The following SDK1 variants were observed in gnomAD, a reference collection of about 807,000 sequenced individuals.
SDK1 encodes sidekick cell adhesion molecule 1.
Under a neutral mutation model 245.5 loss-of-function variants are expected in SDK1, and 157 were observed. The observed-to-expected ratio is 0.64, with a 90% CI of 0.56 to 0.73. The LOEUF (loss-of-function observed/expected upper bound fraction) is 0.73, where lower values mean the gene tolerates loss of function less well. Ranked by LOEUF, SDK1 falls within the 30% of genes least tolerant of loss-of-function variation. SDK1 has a pLI of 0.00. For synonymous variants in SDK1, 1,647 were observed against 1,278.5 expected (o/e 1.29, Z -6.15); for missense variants, 3,583 against 3,002.3 (o/e 1.19, Z -4.52).
At chr7:4,132,493 A>G (rs769247156) in intron 28 of SDK1, 70 bp downstream of exon 28, 100 of 1,127,040 alleles carry the variant, frequency 8.9e-5, no homozygotes, top group Non-Finnish European at 1.3e-4. Flanking sequence ...AGACCGAGGC[A>G]GGTGGTTTGC....
chr7:3,696,114 C>G (rs781573517), intron 4 of SDK1, among the ~76,000 whole-genome samples: 1 of 152,116 alleles, frequency 6.6e-6, no homozygotes, highest in Non-Finnish European at 1.5e-5. Flanking sequence ...TAAACTGTCT[C>G]CTGGCTGATT....
chr7:3,728,142 G>T (rs996593060), intron 4 of SDK1, among the ~76,000 whole-genome samples: 12 of 152,324 alleles, frequency 7.9e-5, no homozygotes, highest in South Asian at 2.1e-4. Context: ...CATGTGAAGG[G>T]CCCATGCCAT....
At chr7:3,770,128 G>C (rs1780366826) in intron 4 of SDK1, among the ~76,000 whole-genome samples, 1 of 152,052 alleles carries the variant, frequency 6.6e-6, no homozygotes. Context: ...AGGGATCCTT[G>C]CGGTGATGGA....
intron 1 of SDK1, among the ~76,000 whole-genome samples, chr7:3,608,977 G>A (rs1031093217): frequency 6.6e-6 from 1 of 152,152 alleles, no homozygotes; most frequent in East Asian, 1.9e-4. Context: ...AAATGCAGAA[G>A]CAGGTGTGAG....
chr7:4,250,662 G>T (rs1327904824), intron 44 of SDK1, among the ~76,000 whole-genome samples: 1 of 152,134 alleles, frequency 6.6e-6, no homozygotes, highest in South Asian at 2.1e-4. Flanking sequence ...GTATTTTTCT[G>T]TGTAGGGTCT....
intron 9 of SDK1, among the ~76,000 whole-genome samples, chr7:3,966,558 C>A (rs1374148474): frequency 2.0e-5 from 3 of 152,120 alleles, no homozygotes; most frequent in Non-Finnish European, 4.4e-5. Flanking sequence ...GATCATGACA[C>A]CTCCCAGAAA....
chr7:3,442,779 G>T (rs1018058559), intron 1 of SDK1, among the ~76,000 whole-genome samples: 4 of 152,074 alleles, frequency 2.6e-5, no homozygotes, highest in Admixed American at 6.6e-5. Context: ...GTGTGTTCTT[G>T]TTGCCAGTGA....
chr7:3,594,360 A>G (rs1194057367), intron 1 of SDK1, among the ~76,000 whole-genome samples: 1 of 152,234 alleles, frequency 6.6e-6, no homozygotes, highest in South Asian at 2.1e-4. Flanking sequence ...CAGTTGATAG[A>G]CATTTGGATT....
chr7:4,102,713 G>A (rs557370434), intron 22 of SDK1, among the ~76,000 whole-genome samples: 1 of 152,054 alleles, frequency 6.6e-6, no homozygotes, highest in African/African-American at 2.4e-5. Context: ...TCCAGAGGCC[G>A]GATCTCATGT....
chr7:3,459,524 C>T (rs1360571052), intron 1 of SDK1, among the ~76,000 whole-genome samples: 1 of 152,124 alleles, frequency 6.6e-6, no homozygotes, highest in Non-Finnish European at 1.5e-5. Context: ...GTGCTTTTGC[C>T]TTATAGTTGA....
At chr7:3,325,835 T>A (rs1253405998) in intron 1 of SDK1, among the ~76,000 whole-genome samples, 1 of 152,132 alleles carries the variant, frequency 6.6e-6, no homozygotes, top group Non-Finnish European at 1.5e-5. Context: ...AGAAAAATCT[T>A]AACAGGTTGA....
At chr7:4,222,219 G>C (rs1031414677) in intron 40 of SDK1, among the ~76,000 whole-genome samples, 2 of 152,332 alleles carry the variant, frequency 1.3e-5, no homozygotes, top group African/African-American at 4.8e-5. Flanking sequence ...CTGTCACTGT[G>C]TCAGGACACT....
intron 1 of SDK1, among the ~76,000 whole-genome samples, chr7:3,501,903 A>G (rs572387074): frequency 3.3e-5 from 5 of 152,292 alleles, no homozygotes; most frequent in East Asian, 1.9e-4. Flanking sequence ...AAATGTAACT[A>G]TTTGATTCTT....
chr7:3,685,125 A>C (rs1471829272), intron 4 of SDK1, among the ~76,000 whole-genome samples: 2 of 152,146 alleles, frequency 1.3e-5, no homozygotes, highest in African/African-American at 4.8e-5. Context: ...TAAACCTATA[A>C]ATTCGGGAAG....
At chr7:3,992,767 C>T (rs1784438270) in intron 14 of SDK1, among the ~76,000 whole-genome samples, 1 of 152,104 alleles carries the variant, frequency 6.6e-6, no homozygotes, top group African/African-American at 2.4e-5. Flanking sequence ...TTATCTGATT[C>T]GATAGGGACC....
intron 4 of SDK1, among the ~76,000 whole-genome samples, chr7:3,711,291 G>T (rs2115018453): frequency 6.6e-6 from 1 of 152,246 alleles, no homozygotes; most frequent in East Asian, 1.9e-4. Context: ...TGCTATTAAG[G>T]ATTAGTTTTG....
chr7:3,838,459 G>A (rs1338122432), intron 5 of SDK1, among the ~76,000 whole-genome samples: 1 of 152,224 alleles, frequency 6.6e-6, no homozygotes, highest in Non-Finnish European at 1.5e-5. Context: ...TGAGGCATTG[G>A]GAAGAGGTCA....
At chr7:3,485,842 A>G (rs73038563) in intron 1 of SDK1, among the ~76,000 whole-genome samples, 4,017 of 151,900 alleles carry the variant, frequency 0.026, 97 homozygotes, top group South Asian at 0.052. Context: ...GTGGCTTTCT[A>G]AAACATCTTA....
intron 2 of SDK1, among the ~76,000 whole-genome samples, chr7:3,630,741 G>C (rs1004704391): frequency 2.0e-5 from 3 of 152,176 alleles, no homozygotes; most frequent in African/African-American, 7.2e-5. Context: ...AATGCTGAAA[G>C]AGAGAAGAAA....
Sources: allele counts gnomAD v4.1 joint callset (sites outside exome capture counted in the v4.1 genomes callset), GRCh38; gene constraint gnomAD v4.1.1; transcripts MANE v1.5; gene names NCBI Gene and HGNC (gene_info 2026-07-23, HGNC 2026-07-21).